The following CYTH1 variants were observed in gnomAD, a reference collection of about 807,000 sequenced individuals.
The protein encoded by CYTH1 is cytohesin-1.
Under a neutral mutation model 61.8 loss-of-function variants are expected in CYTH1, and 18 were observed. That is an observed-to-expected ratio of 0.29 (90% CI 0.20 to 0.43). The LOEUF is 0.43. Ranked by LOEUF, CYTH1 falls within the 20% of genes least tolerant of loss-of-function variation. CYTH1 has a pLI of 1.00. For synonymous variants in CYTH1, 174 were observed against 184.3 expected (o/e 0.94, Z 0.45); for missense variants, 336 against 510.5 (o/e 0.66, Z 3.29).
At chr17:78,767,076 T>C (rs1166299142) in intron 1 of CYTH1, among the ~76,000 whole-genome samples, 1 of 152,236 alleles carries the variant, frequency 6.6e-6, no homozygotes, top group African/African-American at 2.4e-5. Context: ...AGCAAGCAGT[T>C]AACTGCTAGT....
chr17:78,690,266 C>T lies in CYTH1; in HGVS notation c.891+2151G>A, dbSNP rs558448550. ...AAAAATTAGCTGGGCGTGGCAGCAG[C>T]GCCTGTAGTCCCAGCTACTCCGGAG... On this transcript the variant is annotated intron_variant, in intron 11 of 13. Coordinates refer to ENST00000446868, the MANE Select transcript of CYTH1 (RefSeq NM_004762.6). Among the ~76,000 whole-genome samples the T allele has an allele frequency of 3.3e-5, 5 of 151,486 alleles. No homozygotes were observed. The East Asian group carries it at 5.9e-4, about 18-fold the overall frequency.
At position 78,675,547 on chromosome 17, in the gene CYTH1, C is replaced by T. The variant is rs564749518; in HGVS notation, c.*544G>A. The T allele has an allele frequency of 6.5e-4, 109 of 166,976 alleles. 1 individual carries two copies. The South Asian group carries it at 0.02, about 31-fold the overall frequency. The allele number at this position is 166,976 out of a possible 1,614,324, so 10.3% of individuals were successfully genotyped here. A position where few individuals can be genotyped will look rare whatever the true frequency, so the allele number is the denominator to read the frequency against. ...CGGGCCCAGGCTGATGCCCCTTGGCCGCAGCCCCAGGTGCTCTTCTCCAGG... is the reference window on the plus strand; with the variant it reads ...CGGGCCCAGGCTGATGCCCCTTGGCTGCAGCCCCAGGTGCTCTTCTCCAGG... On this transcript the variant is annotated 3_prime_UTR_variant, in exon 14 of 14. Coordinates refer to ENST00000446868, the MANE Select transcript of CYTH1 (RefSeq NM_004762.6).
chr17:78,781,976 C>T (rs2093520361), intron 1 of CYTH1, among the ~76,000 whole-genome samples: 2 of 151,226 alleles, frequency 1.3e-5, no homozygotes, highest in African/African-American at 4.9e-5. Flanking sequence ...CATCCCTCAG[C>T]GCCGCCAGCG....
At position 78,678,853 on chromosome 17, in the gene CYTH1, G is replaced by C. The variant is rs114537692; in HGVS notation, c.1118+1337C>G. Among the ~76,000 whole-genome samples, 1,242 of 152,342 alleles carry C rather than the reference G, an allele frequency of 8.2e-3. 14 individuals are homozygous for C. The highest frequency in any genetic ancestry group is 0.027 in the African/African-American group (1,138 of 41,578). ...TGACCTCTATCACACAGAAGAGGTAGGTTACCCACCTACCAGGCACTGCGC... is the reference window on the plus strand; with the variant it reads ...TGACCTCTATCACACAGAAGAGGTACGTTACCCACCTACCAGGCACTGCGC... On this transcript the variant is annotated intron_variant, in intron 13 of 13. Coordinates refer to ENST00000446868, the MANE Select transcript of CYTH1 (RefSeq NM_004762.6).
intron 1 of CYTH1, among the ~76,000 whole-genome samples, chr17:78,748,010 T>C (rs1367893476): frequency 6.6e-6 from 1 of 152,224 alleles, no homozygotes; most frequent in African/African-American, 2.4e-5. Flanking sequence ...TCTGTTTTTG[T>C]TGCTTCATTC....
intron 1 of CYTH1, among the ~76,000 whole-genome samples, chr17:78,715,729 G>A (rs564873218): frequency 1.3e-5 from 2 of 152,204 alleles, no homozygotes; most frequent in East Asian, 2.0e-4. Flanking sequence ...CATCAGGGAC[G>A]CCAGGAACAG....
At chr17:78,693,296 C>T (rs1029271612) in intron 10 of CYTH1, among the ~76,000 whole-genome samples, 2 of 152,062 alleles carry the variant, frequency 1.3e-5, no homozygotes, top group Non-Finnish European at 2.9e-5. Flanking sequence ...CAAGGGCCTC[C>T]CTTGGTTCTT....
intron 1 of CYTH1, among the ~76,000 whole-genome samples, chr17:78,781,990 C>T (rs1194013912): frequency 6.6e-6 from 1 of 151,484 alleles, no homozygotes; most frequent in Admixed American, 6.6e-5. Flanking sequence ...GCCAGCGACC[C>T]CGGCCCCGGC....
chr17:78,776,860 T>C (rs1171410055), intron 1 of CYTH1, among the ~76,000 whole-genome samples: 1 of 151,712 alleles, frequency 6.6e-6, no homozygotes, highest in Admixed American at 6.6e-5. Context: ...GTGCAGTGGC[T>C]CACACCTGTA....
At chr17:78,781,170 TAAAA>T (rs899046034) in intron 1 of CYTH1, among the ~76,000 whole-genome samples, 8 of 126,632 alleles carry the variant, frequency 6.3e-5, no homozygotes, top group African/African-American at 1.6e-4. Flanking sequence ...TCTCGTCTCT[TAAAA>T]AAAAAAAAAA....
At chr17:78,725,949 C>G (rs1309980606) in intron 1 of CYTH1, among the ~76,000 whole-genome samples, 2 of 151,892 alleles carry the variant, frequency 1.3e-5, no homozygotes, top group Non-Finnish European at 2.9e-5. Context: ...GAGAGAATCA[C>G]AGGAAACGAC....
chr17:78,680,108 T>C (rs1291825389), intron 13 of CYTH1, 82 bp downstream of exon 13: 6 of 1,545,230 alleles, frequency 3.9e-6, no homozygotes, highest in African/African-American at 1.4e-5. Flanking sequence ...GCGGGCGGCA[T>C]GTTTAACCAC....
At chr17:78,676,968 C>T (rs2092706740) in intron 13 of CYTH1, 6 of 455,598 alleles carry the variant, frequency 1.3e-5, no homozygotes, top group Non-Finnish European at 2.6e-5. Context: ...CGGGCACAAG[C>T]CTCCTGACTG....
chr17:78,761,080 C>G (rs960876440), intron 1 of CYTH1, among the ~76,000 whole-genome samples: 1 of 152,062 alleles, frequency 6.6e-6, no homozygotes, highest in African/African-American at 2.4e-5. Flanking sequence ...GTGATCCACC[C>G]ACCTCGGCCT....
At position 78,711,432 on chromosome 17, in the gene CYTH1, T is replaced by C. The variant is rs1411143739; in HGVS notation, c.23-1700A>G. On this transcript the variant is annotated intron_variant, in intron 1 of 13. Coordinates refer to ENST00000446868, the MANE Select transcript of CYTH1 (RefSeq NM_004762.6). The stretch of plus-strand genomic sequence containing the variant: ...AACTTAATGAAATGTATTATTTTAA[T>C]TGATCTCAAAGGAACTAGTATGAAA... Among the ~76,000 whole-genome samples, 3 of 152,182 alleles carry C rather than the reference T, an allele frequency of 2.0e-5. No individual in the cohort carries two copies. The South Asian group carries it at 6.2e-4, about 32-fold the overall frequency.
chr17:78,681,667 C>T (rs993934035), intron 11 of CYTH1, among the ~76,000 whole-genome samples: 10 of 152,078 alleles, frequency 6.6e-5, no homozygotes, highest in East Asian at 3.9e-4. Context: ...ACACGCCTGA[C>T]GGCAGTTTCA....
chr17:78,732,995 G>A (rs372264318), intron 1 of CYTH1, among the ~76,000 whole-genome samples: 1 of 145,686 alleles, frequency 6.9e-6, no homozygotes, highest in East Asian at 2.0e-4. Context: ...CCTGAGGCAG[G>A]AGAATCACTT....
chr17:78,778,282 A>G (rs576977085), intron 1 of CYTH1, among the ~76,000 whole-genome samples: 2 of 141,076 alleles, frequency 1.4e-5, no homozygotes, highest in Admixed American at 1.5e-4. Context: ...CCTGGGTGAC[A>G]GAACAAGACT....
chr17:78,736,723 G>A, intron 1 of CYTH1: 1 of 425,658 alleles, frequency 2.3e-6, no homozygotes, highest in South Asian at 1.7e-5. Context: ...GGACCATCTT[G>A]TTTCCTTACA....
Sources: allele counts gnomAD v4.1 joint callset (sites outside exome capture counted in the v4.1 genomes callset), GRCh38; gene constraint gnomAD v4.1.1; transcripts MANE v1.5; gene names NCBI Gene and HGNC (gene_info 2026-07-23, HGNC 2026-07-21).